The following VSIG10 variants were observed in gnomAD, a reference collection of about 807,000 sequenced individuals.
The protein encoded by VSIG10 is V-set and immunoglobulin domain containing 10.
Under a neutral mutation model 58.7 loss-of-function variants are expected in VSIG10, and 48 were observed. The ratio of observed to expected loss-of-function variants is 0.82; its 90% CI spans 0.65 to 1.04. VSIG10 has a LOEUF of 1.04. VSIG10 is among the 50% of genes least tolerant of loss of function. The pLI, the probability that VSIG10 is intolerant of heterozygous loss-of-function variation, is 0.00. For missense variants in VSIG10, 628 were observed against 670.0 expected (o/e 0.94, Z 0.69); for synonymous variants, 260 against 267.1 (o/e 0.97, Z 0.26).
chr12:118,082,538 G>C, intron 2 of VSIG10, 109 bp from the exon 3 acceptor site: 1 of 1,120,238 alleles, frequency 8.9e-7, no homozygotes, highest in South Asian at 1.5e-5. Flanking sequence ...GAAGAGTATG[G>C]TATCTATCTA....
chr12:118,095,362 A>G (rs1371389936), intron 2 of VSIG10, among the ~76,000 whole-genome samples, 171 bp downstream of exon 2: 1 of 152,084 alleles, frequency 6.6e-6, no homozygotes, highest in East Asian at 1.9e-4. Flanking sequence ...TTTTATCTCC[A>G]TTTTACAGGT....
At position 118,073,760 on chromosome 12, in the gene VSIG10, G is replaced by A. The variant is rs753387365; in HGVS notation, c.1158C>T (p.Tyr386=). 8 of 1,614,012 alleles carry A rather than the reference G, an allele frequency of 5.0e-6. No individual in the cohort carries two copies. Among genetic ancestry groups the A allele is most frequent in the Non-Finnish European group, 5.9e-6 (7 of 1,179,890 alleles). The change falls in exon 5 of 9, where the codon TAC becomes TAT. Residue 386 remains tyrosine (Y), a synonymous_variant. Coordinates refer to ENST00000359236, the MANE Select transcript of VSIG10 (RefSeq NM_019086.6). ...CTACAGGGCTGTCAGCTCGGCAGAT[G>A]TAGTAGCCCTCATCCAGGTCCTGGG... The part of the protein sequence containing the change: ...NCSQDLDEGY[Y]ICRADSPVGV...
At position 118,071,370 on chromosome 12, in the gene VSIG10, A is replaced by T; in HGVS notation, c.1319T>A (p.Phe440Tyr). The change falls in exon 6 of 9, where the codon TTC becomes TAC. Residue 440 changes from phenylalanine to tyrosine, a missense_variant. Phe to Tyr is a conservative substitution (Grantham distance 22). Transcript: ENST00000359236. Reference sequence around the variant, plus strand: ...CAGGGAGTCCTTACCTTTCCAGCAGAACACAGGGCTATAATGCAACAGAAG... The same window carrying T: ...CAGGGAGTCCTTACCTTTCCAGCAGTACACAGGGCTATAATGCAACAGAAG... ...SGLLLHYSPVFCWKVGNTSRG... is the reference protein window; with the variant it reads ...SGLLLHYSPVYCWKVGNTSRG... The T allele has an allele frequency of 6.2e-7, 1 of 1,613,842 alleles. No homozygotes were observed. Among genetic ancestry groups the T allele is most frequent in the African/African-American group, 1.3e-5 (1 of 75,030 alleles).
intron 4 of VSIG10, 131 bp from the exon 5 acceptor site, chr12:118,074,123 C>T (rs1464958236): frequency 1.1e-5 from 12 of 1,120,030 alleles, no homozygotes; most frequent in African/African-American, 1.6e-5. Flanking sequence ...TGCTCTGTTG[C>T]CCAGGCTGGA....
intron 7 of VSIG10, among the ~76,000 whole-genome samples, chr12:118,070,644 A>T (rs2032454888): frequency 6.6e-6 from 1 of 152,176 alleles, no homozygotes; most frequent in Non-Finnish European, 1.5e-5. Context: ...AAATAAAACA[A>T]ATGCATGAAT....
chr12:118,081,773 A>G (rs2032956624), intron 3 of VSIG10, among the ~76,000 whole-genome samples: 1 of 152,172 alleles, frequency 6.6e-6, no homozygotes. Context: ...TCCCAGCACT[A>G]TGGGAAGCCA....
chr12:118,079,600 G>A lies in VSIG10; in HGVS notation c.671C>T (p.Pro224Leu). The A allele has an allele frequency of 6.2e-7, 1 of 1,613,910 alleles. No homozygotes were observed. The change falls in exon 4 of 9, where the codon CCT (proline) becomes CTT (leucine). Residue 224 changes from proline to leucine, a missense_variant. Physicochemically the swap from Pro to Leu is moderately conservative, Grantham distance 98 (BLOSUM62 -3). Transcript: ENST00000359236. The stretch of plus-strand genomic sequence containing the variant: ...TGCCCAGCACTGGGGAGCTGATGGA[G>A]GGGGATCTGCAAAACACCAGAGGAA... ...VTTELLVYYP[P>L]PSAPQCWAQM...
intron 5 of VSIG10, among the ~76,000 whole-genome samples, chr12:118,073,027 G>A (rs1344898082): frequency 6.6e-6 from 1 of 152,182 alleles, no homozygotes; most frequent in Non-Finnish European, 1.5e-5. Flanking sequence ...CCAAGCTGAA[G>A]TGCAGTGGTG....
At chr12:118,083,933 C>G (rs553534386) in intron 2 of VSIG10, among the ~76,000 whole-genome samples, 1 of 151,538 alleles carries the variant, frequency 6.6e-6, no homozygotes, top group Admixed American at 6.6e-5. Context: ...CCAGCCTGGG[C>G]AACATGGCAA....
intron 1 of VSIG10, among the ~76,000 whole-genome samples, chr12:118,096,352 G>A (rs2033454998): frequency 6.6e-6 from 1 of 151,930 alleles, no homozygotes; most frequent in African/African-American, 2.4e-5. Context: ...GCCAAGGCGG[G>A]CGGATCACCT....
chr12:118,096,565 C>G (rs1309715833), intron 1 of VSIG10, among the ~76,000 whole-genome samples: 1 of 139,528 alleles, frequency 7.2e-6, no homozygotes, highest in East Asian at 2.1e-4. Flanking sequence ...GCAACAAGAG[C>G]GTAACTCCGT....
In VSIG10 at chr12:118,103,962, G is replaced by A. The variant is rs2033688571; in HGVS notation, c.-291C>T. 3.1e-6 allele frequency: 1 copy of A among 324,290 alleles called. No individual in the cohort carries two copies. The highest frequency in any genetic ancestry group is 5.6e-6 in the Non-Finnish European group (1 of 177,652). 20.1% of individuals were successfully genotyped at this position (324,290 alleles called of 1,614,324 possible). On this transcript the variant is annotated 5_prime_UTR_variant, in exon 1 of 9. Transcript: ENST00000359236. ...CTACTCCTGCCGGCGGAAAACAACA[G>A]GAGCGGGATCCCTCCCGCCTCCCAG...
rs113691608 is a variant in VSIG10 at position 118,074,180 on chromosome 12, G to A, written c.926-188C>T. Among the ~76,000 whole-genome samples, 1,496 of 150,248 alleles carry A rather than the reference G, an allele frequency of 1.0e-2. 10 individuals are homozygous for A. Among genetic ancestry groups the A allele is most frequent in the Middle Eastern group, 0.015 (4 of 274 alleles). On this transcript the variant is annotated intron_variant, in intron 4 of 8. Coordinates refer to ENST00000359236, the MANE Select transcript of VSIG10 (RefSeq NM_019086.6). ...TCACTGCAACCTCTGCCTCCCTCCCGGGTTCAAGCAATTCTCCTGCCTCAG... is the reference window on the plus strand; with the variant it reads ...TCACTGCAACCTCTGCCTCCCTCCCAGGTTCAAGCAATTCTCCTGCCTCAG...
intron 2 of VSIG10, among the ~76,000 whole-genome samples, chr12:118,094,266 G>A (rs1221384931): frequency 6.6e-6 from 1 of 152,134 alleles, no homozygotes. Context: ...CTTTGATTAT[G>A]ATATACTGTA....
chr12:118,103,237 A>G (rs891990450), intron 1 of VSIG10: 1 of 208,822 alleles, frequency 4.8e-6, no homozygotes. Context: ...ATCAGTTACT[A>G]CTAAAACCAG....
chr12:118,070,547 CA>C (rs10607174), intron 7 of VSIG10, among the ~76,000 whole-genome samples: 32,580 of 111,266 alleles, frequency 0.29, 3,180 homozygotes, highest in Admixed American at 0.38. Context: ...GATTCTGTCT[CA>C]AAAAAAAAAA....
chr12:118,090,590 T>C (rs1417791756), intron 2 of VSIG10, among the ~76,000 whole-genome samples: 1 of 152,174 alleles, frequency 6.6e-6, no homozygotes, highest in Non-Finnish European at 1.5e-5. Context: ...TCTCCCTATC[T>C]GTGAATGCAC....
In VSIG10 at chr12:118,082,352, A is replaced by T. The variant is rs2038499621; in HGVS notation, c.439T>A (p.Ser147Thr). The T allele has an allele frequency of 1.2e-5, 19 of 1,613,982 alleles. No individual in the cohort carries two copies. In the East Asian group the frequency reaches 4.2e-4, roughly 36 times the overall value. Residue 147 changes from serine (S) to threonine (T), a missense_variant, in exon 3 of 9, where the codon TCC becomes ACC. Transcript: ENST00000359236. The part of the protein sequence containing the change: ...PNGTLYAARG[S>T]QVDFSCNSSS... Reference sequence around the variant, plus strand: ...CTGTTGCAGCTGAAGTCCACCTGGGAGCCCCTGGCTGCGTAGAGGGTGCCG... The same window carrying T: ...CTGTTGCAGCTGAAGTCCACCTGGGTGCCCCTGGCTGCGTAGAGGGTGCCG...
At chr12:118,079,079 C>A (rs76886627) in intron 4 of VSIG10, among the ~76,000 whole-genome samples, 2,022 of 151,918 alleles carry the variant, frequency 0.013, 42 homozygotes, top group African/African-American at 0.046. Flanking sequence ...ATCCTCAGCA[C>A]GTAGAAACTG....
Sources: allele counts gnomAD v4.1 joint callset (sites outside exome capture counted in the v4.1 genomes callset), GRCh38; gene constraint gnomAD v4.1.1; transcripts MANE v1.5; gene names NCBI Gene and HGNC (gene_info 2026-07-23, HGNC 2026-07-21).